Variants in GRM7 observed in about 807,000 individuals in gnomAD.
The protein encoded by GRM7 is glutamate metabotropic receptor 7.
GRM7 carries 35 observed loss-of-function variants against 84.5 expected under a neutral mutation model. That is an observed-to-expected ratio of 0.41 (90% CI 0.32 to 0.55). The LOEUF is 0.55. Ranked by LOEUF, GRM7 falls within the 20% of genes least tolerant of loss-of-function variation. The pLI, the probability that GRM7 is intolerant of heterozygous loss-of-function variation, is 0.19. For missense variants in GRM7, 1,003 were observed against 1,194.6 expected (o/e 0.84, Z 2.36); for synonymous variants, 487 against 455.1 (o/e 1.07, Z -0.89).
At chr3:7,175,852 T>C (rs1403200328) in intron 2 of GRM7, among the ~76,000 whole-genome samples, 2 of 152,148 alleles carry the variant, frequency 1.3e-5, no homozygotes, top group African/African-American at 4.8e-5. Context: ...TTTTGCATTT[T>C]ATTAATAAGC....
chr3:7,569,136 A>G (rs1223461788), intron 7 of GRM7, among the ~76,000 whole-genome samples: 18 of 152,276 alleles, frequency 1.2e-4, no homozygotes, highest in Non-Finnish European at 4.4e-5. Context: ...CTCTGTATCT[A>G]GCTCAAGGTT....
chr3:7,547,379 T>A lies in GRM7; in HGVS notation c.1516-31043T>A, dbSNP rs186538940. ...CCGCCGCCACGCCTGGCTAATTTTT[T>A]GTATTTTTAGTAGAGATGGGGTTTC... On this transcript the variant is annotated intron_variant, in intron 7 of 9. Transcript: ENST00000357716. Among the ~76,000 whole-genome samples the A allele has an allele frequency of 2.1e-3, 312 of 152,030 alleles. 2 individuals carry two copies. The highest frequency in any genetic ancestry group is 6.4e-3 in the African/African-American group (267 of 41,462).
intron 8 of GRM7, among the ~76,000 whole-genome samples, chr3:7,587,930 G>A (rs1051760994): frequency 2.0e-5 from 3 of 152,036 alleles, no homozygotes; most frequent in East Asian, 1.9e-4. Flanking sequence ...ACCAAAGAAC[G>A]TTAGATGGGA....
intron 8 of GRM7, chr3:7,607,988 G>T: frequency 3.4e-6 from 1 of 293,692 alleles, no homozygotes; most frequent in Non-Finnish European, 7.2e-6. Flanking sequence ...ACCATATTCT[G>T]TTTTCTGTTT....
chr3:7,649,125 A>G lies in GRM7; in HGVS notation c.2452-30924A>G, dbSNP rs993105191. 5.3e-5 allele frequency among the ~76,000 whole-genome samples: 8 copies of G among 151,326 alleles called. No homozygotes were observed. In the East Asian group the frequency reaches 9.8e-4, roughly 19 times the overall value. ...CGCTCTGTTGCCCAGGCTGGAGTGC[A>G]GTGGTGCGATCTCGGCTCACTGCTA... On this transcript the variant is annotated intron_variant, in intron 8 of 9. Transcript: ENST00000357716.
chr3:7,662,634 A>T (rs999494000), intron 8 of GRM7, among the ~76,000 whole-genome samples: 3 of 152,210 alleles, frequency 2.0e-5, no homozygotes, highest in African/African-American at 7.2e-5. Flanking sequence ...TCTATTTCTT[A>T]GGTGACGCTT....
chr3:7,375,487 G>C (rs1433174604), intron 4 of GRM7, among the ~76,000 whole-genome samples: 1 of 151,932 alleles, frequency 6.6e-6, no homozygotes, highest in Non-Finnish European at 1.5e-5. Flanking sequence ...CAAAGTGCTG[G>C]GATTACAGGC....
intron 1 of GRM7, among the ~76,000 whole-genome samples, chr3:6,895,051 A>G (rs1696125041): frequency 6.6e-6 from 1 of 152,154 alleles, no homozygotes; most frequent in Non-Finnish European, 1.5e-5. Context: ...AGAAAAGAAA[A>G]GCCGCTCTTT....
chr3:7,165,785 A>G (rs1694781020), intron 2 of GRM7, among the ~76,000 whole-genome samples: 1 of 152,208 alleles, frequency 6.6e-6, no homozygotes, highest in South Asian at 2.1e-4. Context: ...TTACATGTTT[A>G]TAATTTCAGT....
intron 4 of GRM7, among the ~76,000 whole-genome samples, chr3:7,324,611 T>C (rs1700913896): frequency 6.6e-6 from 1 of 152,190 alleles, no homozygotes; most frequent in Non-Finnish European, 1.5e-5. Flanking sequence ...TCTCACATAA[T>C]AGTCACATAC....
At chr3:7,701,590 C>T (rs1701232584) in intron 9 of GRM7, among the ~76,000 whole-genome samples, 1 of 152,136 alleles carries the variant, frequency 6.6e-6, no homozygotes, top group South Asian at 2.1e-4. Flanking sequence ...GTGTGAGCCA[C>T]CATGCCCAGC....
intron 1 of GRM7, among the ~76,000 whole-genome samples, chr3:6,983,833 C>T (rs1211648578): frequency 2.0e-5 from 3 of 151,114 alleles, no homozygotes; most frequent in African/African-American, 4.9e-5. Flanking sequence ...GTTCTGAGTG[C>T]CAAAATATTA....
At chr3:7,434,850 A>G (rs186437623) in intron 5 of GRM7, among the ~76,000 whole-genome samples, 42 of 152,290 alleles carry the variant, frequency 2.8e-4, no homozygotes, top group Non-Finnish European at 5.4e-4. Context: ...TCTCTGAAAG[A>G]GTTCATGCAT....
intron 2 of GRM7, among the ~76,000 whole-genome samples, chr3:7,175,599 G>A (rs1049444943): frequency 9.9e-5 from 15 of 152,172 alleles, no homozygotes; most frequent in African/African-American, 2.9e-4. Flanking sequence ...GTGCAGTGGT[G>A]TGATCTCGGC....
intron 2 of GRM7, among the ~76,000 whole-genome samples, chr3:7,273,876 T>C (rs546793257): frequency 2.0e-5 from 3 of 152,146 alleles, no homozygotes; most frequent in South Asian, 2.1e-4. Flanking sequence ...AATATTTATA[T>C]AGTTGGAGTA....
chr3:7,336,465 TC>T (rs1475478127), intron 4 of GRM7, among the ~76,000 whole-genome samples: 1 of 151,784 alleles, frequency 6.6e-6, no homozygotes, highest in African/African-American at 2.4e-5. Flanking sequence ...TGAAACCATT[TC>T]CCCTGAGAAC....
chr3:7,690,491 C>A (rs571695840), intron 9 of GRM7, among the ~76,000 whole-genome samples: 1 of 152,112 alleles, frequency 6.6e-6, no homozygotes, highest in East Asian at 1.9e-4. Flanking sequence ...ACAAAGCCCA[C>A]CCTAAAAATA....
chr3:7,219,810 C>T (rs1357683980), intron 2 of GRM7, among the ~76,000 whole-genome samples: 1 of 152,136 alleles, frequency 6.6e-6, no homozygotes, highest in Non-Finnish European at 1.5e-5. Context: ...CCTTGAAGAG[C>T]TCCTTGAAGA....
chr3:7,095,716 A>T (rs1395944313), intron 1 of GRM7, among the ~76,000 whole-genome samples: 1 of 152,134 alleles, frequency 6.6e-6, no homozygotes, highest in African/African-American at 2.4e-5. Context: ...GAGTGGGATC[A>T]GTATTTTGTT....
Sources: gnomAD v4.1 joint callset for allele counts (sites outside exome capture counted in the v4.1 genomes callset) on GRCh38, gnomAD v4.1.1 for gene constraint, MANE v1.5 for transcripts, NCBI Gene and HGNC (gene_info 2026-07-23, HGNC 2026-07-21) for gene names.